TPRG1: variants seen among roughly 807,000 people sequenced by gnomAD.
TPRG1 encodes tumor protein p63 regulated 1.
In TPRG1, 29 loss-of-function variants were observed where a neutral mutation model predicts 29.3. That is an observed-to-expected ratio of 0.99 (90% CI 0.74 to 1.35). The LOEUF is 1.35. TPRG1 is among the 40% of genes most tolerant of loss of function. The pLI is 0.00. For synonymous variants in TPRG1, 130 were observed against 116.8 expected, an observed-to-expected ratio of 1.11 and a Z score of -0.73; for missense variants, 327 against 335.0, an observed-to-expected ratio of 0.98 and a Z score of 0.19.
intron 1 of TPRG1, among the ~76,000 whole-genome samples, chr3:189,108,532 G>GT (rs11360407): frequency 0.075 from 10,479 of 140,628 alleles, 1,156 homozygotes; most frequent in African/African-American, 0.25. Context: ...TTTAGAACGT[G>GT]TTTTTTTTTT....
intron 4 of TPRG1, among the ~76,000 whole-genome samples, chr3:189,048,140 A>G (rs902490518): frequency 6.6e-6 from 1 of 152,222 alleles, no homozygotes; most frequent in Non-Finnish European, 1.5e-5. Flanking sequence ...TTAAGACCAG[A>G]AAGTCAACAT....
chr3:189,101,527 G>A (rs1268552545), intron 1 of TPRG1, among the ~76,000 whole-genome samples: 1 of 152,066 alleles, frequency 6.6e-6, no homozygotes, highest in African/African-American at 2.4e-5. Context: ...CACAGTCATT[G>A]AATATTTAAA....
At chr3:189,104,188 G>A (rs1719538286) in intron 1 of TPRG1, among the ~76,000 whole-genome samples, 2 of 152,098 alleles carry the variant, frequency 1.3e-5, no homozygotes, top group Admixed American at 1.3e-4. Flanking sequence ...CTTAACTGAT[G>A]TATGTTGACT....
At chr3:189,025,142 G>A (rs1713590729) in intron 4 of TPRG1, among the ~76,000 whole-genome samples, 1 of 152,168 alleles carries the variant, frequency 6.6e-6, no homozygotes, top group African/African-American at 2.4e-5. Flanking sequence ...AAGCTCCTGG[G>A]TCTCTGTATG....
At chr3:189,223,075 G>T (rs2108871181) in intron 3 of TPRG1, among the ~76,000 whole-genome samples, 1 of 152,250 alleles carries the variant, frequency 6.6e-6, no homozygotes, top group South Asian at 2.1e-4. Flanking sequence ...TTGAGGCAGG[G>T]CCTGATTCTG....
intron 3 of TPRG1, among the ~76,000 whole-genome samples, chr3:189,230,244 C>G (rs932276731): frequency 2.6e-5 from 4 of 152,068 alleles, no homozygotes; most frequent in Non-Finnish European, 2.9e-5. Context: ...AGCAAAATTG[C>G]CTGGTCCTGT....
chr3:189,117,289 A>G (rs949749907), intron 1 of TPRG1, among the ~76,000 whole-genome samples: 1 of 152,228 alleles, frequency 6.6e-6, no homozygotes, highest in African/African-American at 2.4e-5. Flanking sequence ...TTGCTCAACC[A>G]TGTGGGACAT....
intron 3 of TPRG1, among the ~76,000 whole-genome samples, chr3:189,016,779 C>T (rs545029217): frequency 6.6e-6 from 1 of 152,276 alleles, no homozygotes; most frequent in African/African-American, 2.4e-5. Context: ...GGGAAGATGT[C>T]CCTTGCTTCC....
chr3:189,006,180 C>T (rs564311270), intron 3 of TPRG1, among the ~76,000 whole-genome samples: 1 of 152,210 alleles, frequency 6.6e-6, no homozygotes, highest in Admixed American at 6.6e-5. Context: ...TCACTAAGCA[C>T]ACTTTCTTGC....
chr3:189,096,013 T>A (rs1414935568), upstream of TPRG1, among the ~76,000 whole-genome samples: 2 of 152,244 alleles, frequency 1.3e-5, no homozygotes, highest in Non-Finnish European at 2.9e-5. Context: ...CGTTTGCTCA[T>A]GTATACTGTG....
upstream of TPRG1, among the ~76,000 whole-genome samples, chr3:189,097,058 T>C (rs1189643902): frequency 6.6e-6 from 1 of 152,348 alleles, no homozygotes; most frequent in Non-Finnish European, 1.5e-5. Flanking sequence ...ATTTTCTCCA[T>C]GCATGGCTTT....
At chr3:189,222,111 G>A (rs936153694) in intron 3 of TPRG1, among the ~76,000 whole-genome samples, 1 of 152,112 alleles carries the variant, frequency 6.6e-6, no homozygotes, top group African/African-American at 2.4e-5. Flanking sequence ...CAGGTTCAGG[G>A]ACCTTTTCCT....
At chr3:189,058,729 A>G (rs1394706490) in intron 4 of TPRG1, among the ~76,000 whole-genome samples, 2 of 152,224 alleles carry the variant, frequency 1.3e-5, no homozygotes, top group East Asian at 1.9e-4. Context: ...TAATTTACCC[A>G]GTATGTGACT....
intron 5 of TPRG1, among the ~76,000 whole-genome samples, chr3:189,163,274 A>C (rs1171046144): frequency 1.3e-5 from 2 of 152,232 alleles, no homozygotes; most frequent in Non-Finnish European, 2.9e-5. Flanking sequence ...ACTCCGTCTC[A>C]AAAAACGAAG....
rs533880357 is a variant in TPRG1 at position 189,283,420 on chromosome 3, G to A, written c.480-26966G>A. On this transcript the variant is annotated intron_variant, in intron 4 of 5. Transcript: ENST00000345063. ...GCAATGTGTCATCTCTTTTATATCA[G>A]TAATAGAAATTAAGAAACAAACAAG... 2.6e-5 allele frequency among the ~76,000 whole-genome samples: 4 copies of A among 152,214 alleles called. No individual in the cohort carries two copies. The South Asian group carries it at 8.3e-4, about 32-fold the overall frequency.
chr3:189,220,529 C>T (rs1305998815), intron 3 of TPRG1, among the ~76,000 whole-genome samples: 1 of 152,126 alleles, frequency 6.6e-6, no homozygotes, highest in African/African-American at 2.4e-5. Context: ...GTTATTCAAT[C>T]ACACAGGTAC....
intron 1 of TPRG1, among the ~76,000 whole-genome samples, chr3:189,204,610 A>G (rs1444419646): frequency 6.6e-6 from 1 of 152,200 alleles, no homozygotes; most frequent in South Asian, 2.1e-4. Flanking sequence ...AGCTTCCCCA[A>G]GTGTTTCCAG....
chr3:189,130,268 A>G (rs1722958656), intron 2 of TPRG1, among the ~76,000 whole-genome samples: 1 of 152,216 alleles, frequency 6.6e-6, no homozygotes, highest in Non-Finnish European at 1.5e-5. Context: ...GAACTCAACT[A>G]GACAATAACT....
chr3:189,311,255 CA>C (rs1387515730), intron 5 of TPRG1, among the ~76,000 whole-genome samples: 2 of 152,124 alleles, frequency 1.3e-5, no homozygotes, highest in Admixed American at 1.3e-4. Flanking sequence ...TCAATAAAAC[CA>C]AATATACATA....
Sources: gnomAD v4.1 joint callset for allele counts (sites outside exome capture counted in the v4.1 genomes callset) on GRCh38, gnomAD v4.1.1 for gene constraint, MANE v1.5 for transcripts, NCBI Gene and HGNC (gene_info 2026-07-23, HGNC 2026-07-21) for gene names.